VSTM2B: variants seen among roughly 807,000 people sequenced by gnomAD.
The protein encoded by VSTM2B is V-set and transmembrane domain-containing protein 2B.
VSTM2B carries 24 observed loss-of-function variants against 24.0 expected under a neutral mutation model. The observed-to-expected ratio is 1.00, with a 90% CI of 0.72 to 1.40. The LOEUF (loss-of-function observed/expected upper bound fraction) is 1.40, where lower values mean the gene tolerates loss of function less well. VSTM2B is among the 40% of genes most tolerant of loss of function. The pLI is 0.00. For missense variants in VSTM2B, 399 were observed against 416.4 expected (o/e 0.96, Z 0.36); for synonymous variants, 226 against 194.4 (o/e 1.16, Z -1.35).
chr19:29,527,124 C>A, intron 1 of VSTM2B, 87 bp from the exon 2 acceptor site: 1 of 1,234,418 alleles, frequency 8.1e-7, no homozygotes, highest in Non-Finnish European at 1.1e-6. Flanking sequence ...CAAGGCCAGC[C>A]AGCCAGAGAC....
intron 4 of VSTM2B, among the ~76,000 whole-genome samples, chr19:29,551,939 G>T (rs541740757): frequency 2.0e-4 from 30 of 152,356 alleles, no homozygotes; most frequent in African/African-American, 7.0e-4. Flanking sequence ...CTACCTCAGT[G>T]AGCAGAACGT....
At chr19:29,557,770 C>G (rs1378352109) in intron 4 of VSTM2B, among the ~76,000 whole-genome samples, 1 of 151,384 alleles carries the variant, frequency 6.6e-6, no homozygotes, top group African/African-American at 2.4e-5. Context: ...CAGGCAATAC[C>G]ATTTGGGACA....
At chr19:29,541,699 TG>T (rs1476361484) in intron 4 of VSTM2B, among the ~76,000 whole-genome samples, 5 of 150,702 alleles carry the variant, frequency 3.3e-5, no homozygotes, top group Non-Finnish European at 7.4e-5. Context: ...GATAAGTTGA[TG>T]GGTAGTTGGG....
chr19:29,537,672 C>T (rs748561873), intron 4 of VSTM2B, among the ~76,000 whole-genome samples: 50 of 151,834 alleles, frequency 3.3e-4, no homozygotes, highest in Admixed American at 2.4e-3. Flanking sequence ...GTGGACATTT[C>T]GGAAGCTTTT....
chr19:29,539,408 G>T (rs1200892195), intron 4 of VSTM2B, among the ~76,000 whole-genome samples: 4 of 152,100 alleles, frequency 2.6e-5, no homozygotes, highest in Non-Finnish European at 5.9e-5. Flanking sequence ...GTCTCCAGGG[G>T]AGAAGTGGGG....
intron 4 of VSTM2B, 62 bp from the exon 5 acceptor site, chr19:29,563,784 T>G (rs1889492257): frequency 1.4e-6 from 2 of 1,449,110 alleles, no homozygotes; most frequent in Non-Finnish European, 1.9e-6. Flanking sequence ...CCTGGTCTGC[T>G]GTGAGCTCCT....
chr19:29,563,469 C>G, intron 4 of VSTM2B, among the ~76,000 whole-genome samples: 1 of 152,060 alleles, frequency 6.6e-6, no homozygotes, highest in Non-Finnish European at 1.5e-5. Flanking sequence ...TCTCAAGCTC[C>G]TGGGCTCAAG....
At chr19:29,528,405 C>A (rs373947054) in intron 2 of VSTM2B, 28 bp from the exon 3 acceptor site, 1 of 1,551,142 alleles carries the variant, frequency 6.4e-7, no homozygotes. Flanking sequence ...GCGAGCCTCA[C>A]GTCTCTCTCT....
rs987611452 is a variant in VSTM2B, at chr19:29,531,253, G to C, written c.769+963G>C. 2.0e-5 allele frequency among the ~76,000 whole-genome samples: 3 copies of C among 152,270 alleles called. 1 individual carries two copies. The highest frequency in any genetic ancestry group is 4.1e-4 in the South Asian group (2 of 4,826). On this transcript the variant is annotated intron_variant, in intron 4 of 4. Transcript: ENST00000335523. Reference sequence around the variant, plus strand: ...CTGTGAGCAGGTTGCTCCCTCCCTTGGCCCCTCTCCTCAGTCTTGTTTGAT... The same window carrying C: ...CTGTGAGCAGGTTGCTCCCTCCCTTCGCCCCTCTCCTCAGTCTTGTTTGAT...
At chr19:29,533,307 G>T (rs1415135264) in intron 4 of VSTM2B, among the ~76,000 whole-genome samples, 1 of 152,210 alleles carries the variant, frequency 6.6e-6, no homozygotes, top group South Asian at 2.1e-4. Flanking sequence ...AGAAAGCACA[G>T]CTTGCCTGGA....
chr19:29,527,029 C>T, intron 1 of VSTM2B, 182 bp from the exon 2 acceptor site: 1 of 574,870 alleles, frequency 1.7e-6, no homozygotes, highest in Non-Finnish European at 3.0e-6. Flanking sequence ...GATGGCCGGT[C>T]CCTGCCTCGG....
intron 4 of VSTM2B, 106 bp downstream of exon 4, chr19:29,530,396 A>T (rs1256563190): frequency 9.9e-7 from 1 of 1,011,860 alleles, no homozygotes; most frequent in African/African-American, 1.7e-5. Flanking sequence ...CCCTGGGCGC[A>T]TTTGCATATG....
At chr19:29,559,526 G>T (rs1448796041) in intron 4 of VSTM2B, among the ~76,000 whole-genome samples, 1 of 152,292 alleles carries the variant, frequency 6.6e-6, no homozygotes, top group African/African-American at 2.4e-5. Flanking sequence ...TGGTTGATGG[G>T]TGTAGCAAAC....
intron 4 of VSTM2B, among the ~76,000 whole-genome samples, chr19:29,540,410 A>G (rs1325857633): frequency 1.3e-5 from 2 of 152,250 alleles, no homozygotes; most frequent in Non-Finnish European, 2.9e-5. Context: ...AGGTGGGGCC[A>G]GGGTGGGCTG....
intron 4 of VSTM2B, among the ~76,000 whole-genome samples, chr19:29,543,150 C>T (rs750280658): frequency 1.1e-4 from 17 of 152,168 alleles, no homozygotes; most frequent in Admixed American, 1.3e-4. Flanking sequence ...TATGTTTTTT[C>T]AGGCATTTAA....
chr19:29,538,804 T>A (rs932019136), intron 4 of VSTM2B, among the ~76,000 whole-genome samples: 2 of 152,036 alleles, frequency 1.3e-5, no homozygotes, highest in Admixed American at 1.3e-4. Flanking sequence ...GAGTAGGAAC[T>A]CACCCATTAC....
chr19:29,529,860 G>T lies in VSTM2B; in HGVS notation c.339G>T (p.Arg113=), dbSNP rs561770422. ...GCAATGACATCTCACACCGGCTTCG[G>T]CTGTCTGCCGTGCGGCTGCAGGACG... ...VQGNDISHRL[R]LSAVRLQDEG... The change falls in exon 4 of 5, where the codon CGG becomes CGT. Residue 113 remains arginine (R), a synonymous_variant. Transcript: ENST00000335523. 2.6e-6 allele frequency: 4 copies of T among 1,550,044 alleles called. No individual in the cohort carries two copies. The South Asian group carries it at 3.6e-5, about 14-fold the overall frequency.
At chr19:29,542,995 C>T (rs1472331746) in intron 4 of VSTM2B, among the ~76,000 whole-genome samples, 2 of 152,118 alleles carry the variant, frequency 1.3e-5, no homozygotes, top group Non-Finnish European at 2.9e-5. Flanking sequence ...CACAGCCAAT[C>T]CCAGCCTGCT....
chr19:29,529,791 C>G, intron 3 of VSTM2B, 28 bp from the exon 4 acceptor site: 2 of 1,543,600 alleles, frequency 1.3e-6, no homozygotes, highest in Non-Finnish European at 1.7e-6. Context: ...AGCTGCCCAG[C>G]CCGGCCTCTA....
Sources: allele counts gnomAD v4.1 joint callset (sites outside exome capture counted in the v4.1 genomes callset), GRCh38; gene constraint gnomAD v4.1.1; transcripts MANE v1.5; gene names NCBI Gene and HGNC (gene_info 2026-07-23, HGNC 2026-07-21).